Variants in MARCHF1 observed in about 807,000 individuals in gnomAD.
The protein encoded by MARCHF1 is membrane associated ring-CH-type finger 1, also known as E3 ubiquitin-protein ligase MARCHF1.
A neutral mutation model predicts 54.2 loss-of-function variants in MARCHF1; 40 were observed. That is an observed-to-expected ratio of 0.74 (90% CI 0.57 to 0.96). MARCHF1 has a LOEUF of 0.96. MARCHF1 is among the 40% of genes least tolerant of loss of function. The pLI is 0.00. For missense variants in MARCHF1, 586 were observed against 656.5 expected (o/e 0.89, Z 1.17); for synonymous variants, 236 against 236.3 (o/e 1.00, Z 0.01).
chr4:163,670,513 A>T (rs1256488365), intron 5 of MARCHF1, among the ~76,000 whole-genome samples: 1 of 151,840 alleles, frequency 6.6e-6, no homozygotes, highest in African/African-American at 2.4e-5. Context: ...CTTACTTTGT[A>T]CATTGTTTTC....
At chr4:163,840,824 A>C (rs1200141429) in intron 4 of MARCHF1, among the ~76,000 whole-genome samples, 1 of 152,124 alleles carries the variant, frequency 6.6e-6, no homozygotes, top group Non-Finnish European at 1.5e-5. Context: ...TAAGTAATGA[A>C]TATGTTAATT....
At chr4:163,880,716 T>G (rs1750395976) in intron 3 of MARCHF1, among the ~76,000 whole-genome samples, 1 of 152,164 alleles carries the variant, frequency 6.6e-6, no homozygotes, top group Non-Finnish European at 1.5e-5. Context: ...ACAGCAGTAA[T>G]TAACATATTC....
intron 1 of MARCHF1, among the ~76,000 whole-genome samples, chr4:164,302,868 TAAAAAAAA>T (rs70952621): frequency 8.8e-6 from 1 of 114,244 alleles, no homozygotes; most frequent in African/African-American, 3.2e-5. Flanking sequence ...GAGACTGTCT[TAAAAAAAA>T]AAAAAAAAAA....
intron 2 of MARCHF1, among the ~76,000 whole-genome samples, chr4:164,093,237 T>C (rs577608965): frequency 1.1e-4 from 17 of 152,226 alleles, no homozygotes; most frequent in East Asian, 1.9e-4. Context: ...GTAGACCCAA[T>C]TGGACTATAA....
intron 4 of MARCHF1, among the ~76,000 whole-genome samples, chr4:163,774,364 G>C (rs1747244171): frequency 1.3e-5 from 2 of 152,132 alleles, no homozygotes. Flanking sequence ...GCATAATGAA[G>C]TGATTATCTT....
chr4:163,669,987 A>G (rs1458517468), intron 5 of MARCHF1, among the ~76,000 whole-genome samples: 1 of 152,040 alleles, frequency 6.6e-6, no homozygotes, highest in Non-Finnish European at 1.5e-5. Context: ...TATTTTTATA[A>G]TTTTTCAGCT....
intron 1 of MARCHF1, among the ~76,000 whole-genome samples, chr4:164,119,629 TG>T (rs1756021354): frequency 6.6e-6 from 1 of 151,706 alleles, no homozygotes; most frequent in South Asian, 2.1e-4. Flanking sequence ...TAAATCAAAA[TG>T]ACACCAACTG....
intron 4 of MARCHF1, among the ~76,000 whole-genome samples, chr4:163,782,027 A>G (rs1747479606): frequency 6.6e-6 from 1 of 152,174 alleles, no homozygotes; most frequent in African/African-American, 2.4e-5. Flanking sequence ...GCTACTGTGT[A>G]TAATAGTCAC....
chr4:163,601,527 T>G (rs1205458883), intron 7 of MARCHF1, among the ~76,000 whole-genome samples: 1 of 152,062 alleles, frequency 6.6e-6, no homozygotes, highest in East Asian at 1.9e-4. Flanking sequence ...AAGAAGTAGA[T>G]AAACTCTATC....
intron 5 of MARCHF1, among the ~76,000 whole-genome samples, chr4:163,680,769 T>G (rs539636204): frequency 1.8e-4 from 28 of 152,190 alleles, no homozygotes; most frequent in Non-Finnish European, 3.7e-4. Context: ...TCATTTTTAA[T>G]CCAGACTTGT....
intron 4 of MARCHF1, among the ~76,000 whole-genome samples, chr4:163,726,280 C>G (rs919403264): frequency 5.3e-5 from 8 of 152,186 alleles, no homozygotes; most frequent in Admixed American, 5.2e-4. Flanking sequence ...ATTCATCCCT[C>G]TCTCCCCAAC....
At chr4:164,171,684 T>G (rs1730529671) in intron 1 of MARCHF1, among the ~76,000 whole-genome samples, 1 of 152,120 alleles carries the variant, frequency 6.6e-6, no homozygotes, top group East Asian at 1.9e-4. Context: ...AATAATAAAC[T>G]AAAAAATAAA....
chr4:163,819,563 G>A (rs1215311186), intron 4 of MARCHF1, among the ~76,000 whole-genome samples: 2 of 152,042 alleles, frequency 1.3e-5, no homozygotes, highest in East Asian at 3.9e-4. Flanking sequence ...CCACAACCAT[G>A]TGAAAACTTT....
chr4:163,760,721 T>A (rs1274691156), intron 4 of MARCHF1, among the ~76,000 whole-genome samples: 1 of 152,176 alleles, frequency 6.6e-6, no homozygotes, highest in Non-Finnish European at 1.5e-5. Context: ...GAAAAAGCAG[T>A]ATTTTTTTAA....
intron 1 of MARCHF1, among the ~76,000 whole-genome samples, chr4:164,351,735 C>A (rs1455785113): frequency 6.6e-6 from 1 of 152,102 alleles, no homozygotes; most frequent in Non-Finnish European, 1.5e-5. Context: ...CAGTTTCTCA[C>A]CAGCAGCGGA....
chr4:163,574,301 A>C (rs1312237970), intron 8 of MARCHF1, among the ~76,000 whole-genome samples: 1 of 152,092 alleles, frequency 6.6e-6, no homozygotes, highest in African/African-American at 2.4e-5. Flanking sequence ...TTTGCTGTGC[A>C]GAAGCTCTTT....
At chr4:163,890,143 C>T (rs571318912) in intron 3 of MARCHF1, among the ~76,000 whole-genome samples, 143 of 149,716 alleles carry the variant, frequency 9.6e-4, no homozygotes, top group Non-Finnish European at 1.6e-3. Flanking sequence ...ACCGTGTTAG[C>T]CAGGATGGTC....
At chr4:163,692,566 C>T (rs1435173674) in intron 5 of MARCHF1, among the ~76,000 whole-genome samples, 1 of 143,104 alleles carries the variant, frequency 7.0e-6, no homozygotes, top group Non-Finnish European at 1.5e-5. Flanking sequence ...AGCGAGATAC[C>T]ACAGGGCTGG....
chr4:163,746,837 T>C (rs1746375883), intron 4 of MARCHF1, among the ~76,000 whole-genome samples: 1 of 152,240 alleles, frequency 6.6e-6, no homozygotes, highest in South Asian at 2.1e-4. Context: ...TCATGAGCCA[T>C]CATCCTCATC....
Sources: allele counts gnomAD v4.1 joint callset (sites outside exome capture counted in the v4.1 genomes callset), GRCh38; gene constraint gnomAD v4.1.1; transcripts MANE v1.5; gene names NCBI Gene and HGNC (gene_info 2026-07-23, HGNC 2026-07-21).